Variants in PARVB observed in about 807,000 individuals in gnomAD.
PARVB encodes beta-parvin.
Under a neutral mutation model 47.0 loss-of-function variants are expected in PARVB, and 46 were observed. The observed-to-expected ratio is 0.98, with a 90% CI of 0.77 to 1.25. The LOEUF is 1.25. Ranked by LOEUF, PARVB falls within the 50% of genes most tolerant of loss-of-function variation. The pLI is 0.00. For synonymous variants in PARVB, 196 were observed against 196.3 expected (o/e 1.00, Z 0.01); for missense variants, 473 against 471.6 (o/e 1.00, Z -0.03).
intron 1 of PARVB, among the ~76,000 whole-genome samples, chr22:44,030,754 G>A (rs1569062221): frequency 6.9e-6 from 1 of 144,666 alleles, no homozygotes; most frequent in African/African-American, 2.7e-5. Context: ...GTTTGTGGGA[G>A]GGGTGGGAAA....
chr22:44,086,396 C>T (rs1402692586), intron 1 of PARVB, among the ~76,000 whole-genome samples: 1 of 152,194 alleles, frequency 6.6e-6, no homozygotes, highest in Non-Finnish European at 1.5e-5. Context: ...GCCTTTTATC[C>T]TAGGCAAGAC....
In PARVB at chr22:44,011,104, G is replaced by A. The variant is rs1305507774; in HGVS notation, c.211+11431G>A. Among the ~76,000 whole-genome samples, 7 of 151,914 alleles carry A rather than the reference G, an allele frequency of 4.6e-5. No homozygotes were observed. The East Asian group carries it at 5.8e-4, about 13-fold the overall frequency. On this transcript the variant is annotated intron_variant, in intron 2 of 13. Coordinates refer to the PARVB transcript ENST00000406477. ...CTCCCAAAGTGCTGCGATTACAGGC[G>A]TGAGCCACTGCGCCCGGCCATGCCT...
chr22:43,999,710 A>G, intron 2 of PARVB: 1 of 1,503,148 alleles, frequency 6.7e-7, no homozygotes, highest in Non-Finnish European at 9.3e-7. Flanking sequence ...AAAGTGGATG[A>G]GGGCTGGGTG....
chr22:44,168,635 G>A lies in PARVB; in HGVS notation c.1052G>A (p.Arg351Lys), dbSNP rs765896985. The change falls in exon 13 of 13, where the codon AGG (arginine) becomes AAG (lysine). Residue 351 changes from arginine to lysine, a missense_variant. Transcript: ENST00000338758. ...VVNLDLKSTL[R>K]VLYNLFTKYK... ...AACTTGGACCTCAAATCCACCCTGA[G>A]GGTTCTTTACAACCTGTTCACCAAG... The A allele has an allele frequency of 6.2e-7, 1 of 1,613,446 alleles. No individual in the cohort carries two copies. The highest frequency in any genetic ancestry group is 1.1e-5 in the South Asian group (1 of 91,070).
intron 1 of PARVB, among the ~76,000 whole-genome samples, chr22:44,087,399 T>C (rs1056588882): frequency 2.0e-5 from 3 of 152,222 alleles, no homozygotes; most frequent in East Asian, 1.9e-4. Flanking sequence ...TCAGCCTCCA[T>C]TGGGCCTTTG....
At chr22:44,028,310 T>TG (rs201035244) in intron 1 of PARVB, among the ~76,000 whole-genome samples, 1 of 128,090 alleles carries the variant, frequency 7.8e-6, no homozygotes, top group African/African-American at 2.9e-5. Context: ...GATCATTTTT[T>TG]TGTTTTGTTT....
rs1400550342 is a variant in PARVB at position 44,068,812 on chromosome 22, C to T, written c.113-25116C>T. Among the ~76,000 whole-genome samples, 6 of 152,330 alleles carry T rather than the reference C, an allele frequency of 3.9e-5. No homozygotes were observed. The highest frequency in any genetic ancestry group is 4.1e-4 in the South Asian group (2 of 4,830). On this transcript the variant is annotated intron_variant, in intron 1 of 12. Coordinates refer to ENST00000338758, the MANE Select transcript of PARVB (RefSeq NM_013327.5). The surrounding 1 kb of genome is among the most constrained non-coding windows in gnomAD (Gnocchi z 4.1). Reference sequence around the variant, plus strand: ...TGTTGTTCAGTTTAGCTCTGAGCCACGTGCATCTTCAGTCAGCCCAGGGGC... The same window carrying T: ...TGTTGTTCAGTTTAGCTCTGAGCCATGTGCATCTTCAGTCAGCCCAGGGGC...
chr22:44,016,097 T>G (rs1199210095), intron 2 of PARVB, among the ~76,000 whole-genome samples: 1 of 91,482 alleles, frequency 1.1e-5, no homozygotes, highest in Non-Finnish European at 2.0e-5. Flanking sequence ...CTTTCTTTCT[T>G]TCTTTTTTTT....
At chr22:44,062,386 C>A (rs952915325) in intron 1 of PARVB, among the ~76,000 whole-genome samples, 39 of 152,158 alleles carry the variant, frequency 2.6e-4, no homozygotes, top group African/African-American at 7.7e-4. Context: ...GCCTGTAACC[C>A]CAGCACTTTG....
chr22:44,084,880 G>A (rs1351198587), intron 1 of PARVB, among the ~76,000 whole-genome samples: 1 of 152,198 alleles, frequency 6.6e-6, no homozygotes, highest in Non-Finnish European at 1.5e-5. Context: ...ACTGCACCCT[G>A]TACATAACCC....
At chr22:44,136,176 G>A (rs371075072) in intron 6 of PARVB, among the ~76,000 whole-genome samples, 2 of 152,108 alleles carry the variant, frequency 1.3e-5, no homozygotes, top group African/African-American at 4.8e-5. Flanking sequence ...CTGACCTGGG[G>A]TGTTTCTCCT....
upstream of PARVB, among the ~76,000 whole-genome samples, chr22:44,023,547 TA>T (rs1569056470): frequency 1.0e-5 from 1 of 99,542 alleles, no homozygotes; most frequent in African/African-American, 5.1e-5. Flanking sequence ...CAAAATAAAA[TA>T]AAATAAAATA....
At chr22:44,128,271 C>A (rs756189519) in intron 4 of PARVB, among the ~76,000 whole-genome samples, 2 of 152,202 alleles carry the variant, frequency 1.3e-5, no homozygotes, top group Non-Finnish European at 2.9e-5. Flanking sequence ...ACGGGCACAC[C>A]CTCTCCTTGT....
At chr22:44,001,143 A>C (rs1030076972) in intron 2 of PARVB, among the ~76,000 whole-genome samples, 1 of 152,118 alleles carries the variant, frequency 6.6e-6, no homozygotes, top group African/African-American at 2.4e-5. Flanking sequence ...CCAGCTACTC[A>C]GGAGGCTGAG....
At chr22:44,004,135 A>G in intron 2 of PARVB, among the ~76,000 whole-genome samples, 1 of 152,228 alleles carries the variant, frequency 6.6e-6, no homozygotes, top group East Asian at 1.9e-4. Flanking sequence ...TTGAGTGAGA[A>G]AAAAACAATC....
At chr22:44,112,872 G>C (rs1374433280) in intron 3 of PARVB, 2 of 106,870 alleles carry the variant, frequency 1.9e-5, no homozygotes, top group Non-Finnish European at 3.6e-5. Context: ...CACCAACACA[G>C]ATACGTTGTT....
intron 1 of PARVB, among the ~76,000 whole-genome samples, chr22:44,064,278 G>A (rs1434837738): frequency 2.0e-5 from 3 of 152,260 alleles, no homozygotes; most frequent in African/African-American, 7.2e-5. Flanking sequence ...TGGGGCCTTG[G>A]ATCCCTTTTC....
intron 1 of PARVB, among the ~76,000 whole-genome samples, chr22:44,047,913 C>T (rs1314979278): frequency 6.6e-6 from 1 of 152,182 alleles, no homozygotes; most frequent in East Asian, 1.9e-4. Flanking sequence ...GTGGGCGGTG[C>T]CTCCCCTCCG....
chr22:44,093,060 C>T (rs568360355), intron 1 of PARVB, among the ~76,000 whole-genome samples: 13 of 152,368 alleles, frequency 8.5e-5, no homozygotes, highest in Admixed American at 3.9e-4. Context: ...TACCTGCACC[C>T]GGCACCATGG....
Sources: gnomAD v4.1 joint callset for allele counts (sites outside exome capture counted in the v4.1 genomes callset) on GRCh38, gnomAD v4.1.1 for gene constraint, Gnocchi (gnomAD v3.1) non-coding constraint, MANE v1.5 for transcripts, NCBI Gene and HGNC (gene_info 2026-07-23, HGNC 2026-07-21) for gene names.